Variants in SPMAP2L observed in about 807,000 individuals in gnomAD.
SPMAP2L encodes the protein sperm microtubule associated protein 2 like.
the SPMAP2L span, among the ~76,000 whole-genome samples, chr4:56,626,141 A>T: frequency 6.6e-6 from 1 of 152,272 alleles, no homozygotes; most frequent in African/African-American, 2.4e-5. Context: ...ATGGAAGAAG[A>T]TGAAGATAAG....
the SPMAP2L span, among the ~76,000 whole-genome samples, chr4:56,582,886 A>G: frequency 6.6e-6 from 1 of 152,130 alleles, no homozygotes; most frequent in Non-Finnish European, 1.5e-5. Flanking sequence ...TTCAGCCATA[A>G]AAAAGAATGA....
the SPMAP2L span, among the ~76,000 whole-genome samples, chr4:56,563,097 T>TTTC: frequency 1.4e-5 from 2 of 139,052 alleles, no homozygotes; most frequent in East Asian, 4.1e-4. Context: ...AGGCTTTTTT[T>TTTC]TTTTTTTTTT....
the SPMAP2L span, among the ~76,000 whole-genome samples, chr4:56,579,857 A>G: frequency 6.6e-6 from 1 of 152,258 alleles, no homozygotes; most frequent in Non-Finnish European, 1.5e-5. Flanking sequence ...ACAAATTATT[A>G]TAAAGACAAA....
chr4:56,531,351 C>A, the SPMAP2L span, among the ~76,000 whole-genome samples: 2 of 152,124 alleles, frequency 1.3e-5, no homozygotes, highest in African/African-American at 2.4e-5. Flanking sequence ...TCAGCCCTTG[C>A]GTTTCAAGGG....
the SPMAP2L span, among the ~76,000 whole-genome samples, chr4:56,559,118 G>C: frequency 2.0e-5 from 3 of 151,706 alleles, no homozygotes; most frequent in Non-Finnish European, 4.4e-5. Flanking sequence ...AGTTTTAGTA[G>C]AGACGAGGTT....
the SPMAP2L span, among the ~76,000 whole-genome samples, chr4:56,619,976 C>T: frequency 6.6e-6 from 1 of 152,242 alleles, no homozygotes; most frequent in South Asian, 2.1e-4. Context: ...TGAGGAATGT[C>T]ATAGGCAGCT....
At chr4:56,595,560 G>A in the SPMAP2L span, 1 of 1,415,880 alleles carries the variant, frequency 7.1e-7, no homozygotes, top group Non-Finnish European at 1.0e-6. Flanking sequence ...TTCCAGAGAG[G>A]TGGCAGCATT....
the SPMAP2L span, among the ~76,000 whole-genome samples, chr4:56,591,162 CT>C: frequency 6.6e-6 from 1 of 152,102 alleles, no homozygotes; most frequent in African/African-American, 2.4e-5. Context: ...GGATATCCCC[CT>C]TGCTGTTCTT....
chr4:56,570,678 C>T, the SPMAP2L span, among the ~76,000 whole-genome samples: 1,143 of 152,210 alleles, frequency 7.5e-3, 10 homozygotes, highest in East Asian at 0.035. Context: ...CAGGACATGA[C>T]TGCATGCTAC....
At chr4:56,546,296 C>T in the SPMAP2L span, among the ~76,000 whole-genome samples, 7 of 152,268 alleles carry the variant, frequency 4.6e-5, no homozygotes, top group East Asian at 9.6e-4. Flanking sequence ...AATAAACTTG[C>T]CTTAGATCAG....
chr4:56,614,663 G>A, the SPMAP2L span, among the ~76,000 whole-genome samples: 1 of 151,808 alleles, frequency 6.6e-6, no homozygotes, highest in Non-Finnish European at 1.5e-5. Context: ...AAAAAAAAAA[G>A]TTTTCTCTGA....
the SPMAP2L span, among the ~76,000 whole-genome samples, chr4:56,587,653 C>A: frequency 6.6e-6 from 1 of 152,164 alleles, no homozygotes. Flanking sequence ...TTAATTCATT[C>A]CTTTTTATGG....
At chr4:56,576,466 G>A in the SPMAP2L span, among the ~76,000 whole-genome samples, 1 of 152,188 alleles carries the variant, frequency 6.6e-6, no homozygotes, top group African/African-American at 2.4e-5. Flanking sequence ...TCAGCTTAGT[G>A]GAGGAAAATC....
the SPMAP2L span, among the ~76,000 whole-genome samples, chr4:56,606,562 C>G: frequency 6.6e-6 from 1 of 152,074 alleles, no homozygotes; most frequent in Non-Finnish European, 1.5e-5. Context: ...CCCTGGTGCT[C>G]CGGCTATTCC....
the SPMAP2L span, among the ~76,000 whole-genome samples, chr4:56,568,809 T>C: frequency 7.7e-4 from 117 of 152,370 alleles, 1 homozygote; most frequent in Middle Eastern, 3.4e-3. Flanking sequence ...CAGTCAGTTC[T>C]TACGCCCCTT....
chr4:56,625,694 G>A, the SPMAP2L span, among the ~76,000 whole-genome samples: 8 of 152,024 alleles, frequency 5.3e-5, no homozygotes, highest in Non-Finnish European at 7.4e-5. Flanking sequence ...TTCACCTCCC[G>A]CCATGATTCT....
chr4:56,621,316 C>A, the SPMAP2L span, among the ~76,000 whole-genome samples: 7 of 152,064 alleles, frequency 4.6e-5, no homozygotes, highest in African/African-American at 1.7e-4. Flanking sequence ...TTATTTATTC[C>A]TATGGAAAAA....
chr4:56,593,381 T>C, the SPMAP2L span: 1 of 1,279,730 alleles, frequency 7.8e-7, no homozygotes, highest in African/African-American at 1.5e-5. Context: ...ACTGGAGTCC[T>C]CATTGAGCTG....
At chr4:56,597,646 A>C in the SPMAP2L span, among the ~76,000 whole-genome samples, 6 of 152,156 alleles carry the variant, frequency 3.9e-5, no homozygotes, top group African/African-American at 1.4e-4. Context: ...GTTTTTTGGT[A>C]TGTAAAAATG....
Sources: gnomAD v4.1 joint callset for allele counts (sites outside exome capture counted in the v4.1 genomes callset) on GRCh38, gnomAD v4.1.1 for gene constraint, MANE v1.5 for transcripts, NCBI Gene and HGNC (gene_info 2026-07-23, HGNC 2026-07-21) for gene names.